Variants in PDE11A observed in about 807,000 individuals in gnomAD.
The protein encoded by PDE11A is phosphodiesterase 11A.
In PDE11A, 100 loss-of-function variants were observed where a neutral mutation model predicts 100.5. The observed-to-expected ratio is 1.00, with a 90% CI of 0.85 to 1.18. PDE11A has a LOEUF of 1.18. Among genes scored for constraint, PDE11A ranks in the 50% most tolerant of loss-of-function variants. The probability of loss-of-function intolerance (pLI) is 0.00; values close to 1 mark genes in which losing one functional copy is unlikely to be tolerated. For synonymous variants in PDE11A, 381 were observed against 420.8 expected (o/e 0.91, Z 1.16); for missense variants, 1,141 against 1,152.6 (o/e 0.99, Z 0.15).
At chr2:177,973,394 C>T (rs529052919) in intron 2 of PDE11A, among the ~76,000 whole-genome samples, 3 of 32,950 alleles carry the variant, frequency 9.1e-5, no homozygotes, top group South Asian at 8.7e-4. Flanking sequence ...TAAGAAACGG[C>T]GCACCACGAG....
At chr2:177,831,449 A>G (rs1012236664) in intron 6 of PDE11A, among the ~76,000 whole-genome samples, 7 of 152,226 alleles carry the variant, frequency 4.6e-5, no homozygotes, top group Non-Finnish European at 1.0e-4. Flanking sequence ...TTCCCTTCAT[A>G]CCTTAACTGT....
At chr2:177,979,375 AT>A (rs1296557908) in intron 2 of PDE11A, among the ~76,000 whole-genome samples, 1 of 150,590 alleles carries the variant, frequency 6.6e-6, no homozygotes, top group Admixed American at 6.6e-5. Flanking sequence ...ATGGTTGGTA[AT>A]TATTTTTATA....
chr2:177,924,609 C>A (rs2085100173), intron 2 of PDE11A, among the ~76,000 whole-genome samples: 1 of 152,128 alleles, frequency 6.6e-6, no homozygotes, highest in African/African-American at 2.4e-5. Context: ...AAACAGGGCA[C>A]AATCTCTGGT....
At chr2:178,031,078 T>A (rs1186799235) in intron 1 of PDE11A, among the ~76,000 whole-genome samples, 2 of 152,110 alleles carry the variant, frequency 1.3e-5, no homozygotes, top group Non-Finnish European at 1.5e-5. Context: ...GGTAAAAAAA[T>A]TCATATCTTT....
At chr2:177,994,087 C>G (rs918270518) in intron 2 of PDE11A, among the ~76,000 whole-genome samples, 13 of 151,958 alleles carry the variant, frequency 8.6e-5, no homozygotes, top group African/African-American at 3.1e-4. Context: ...CCCACCACCA[C>G]ATCTGACTAA....
At chr2:177,702,900 G>A (rs4541282) in intron 13 of PDE11A, among the ~76,000 whole-genome samples, 2,605 of 152,220 alleles carry the variant, frequency 0.017, 66 homozygotes, top group African/African-American at 0.059. Flanking sequence ...AATAAGTGAA[G>A]ATTTGCTAGG....
intron 10 of PDE11A, among the ~76,000 whole-genome samples, chr2:177,728,939 T>A (rs1177196893): frequency 1.3e-5 from 2 of 152,142 alleles, no homozygotes; most frequent in East Asian, 3.9e-4. Context: ...TTGGAAATCA[T>A]TTGTATGGTG....
intron 1 of PDE11A, among the ~76,000 whole-genome samples, chr2:178,068,252 G>C (rs569431007): frequency 6.6e-6 from 1 of 150,516 alleles, no homozygotes; most frequent in Non-Finnish European, 1.5e-5. Context: ...TTCCATTTAC[G>C]ATTTATTTTT....
At chr2:178,032,816 T>G (rs1460054378) in intron 1 of PDE11A, among the ~76,000 whole-genome samples, 2 of 152,100 alleles carry the variant, frequency 1.3e-5, no homozygotes, top group Non-Finnish European at 2.9e-5. Context: ...GACCTGATTG[T>G]TAGAAGAAAA....
At chr2:177,935,336 A>G (rs1449225401) in intron 2 of PDE11A, among the ~76,000 whole-genome samples, 2 of 152,112 alleles carry the variant, frequency 1.3e-5, no homozygotes, top group Non-Finnish European at 2.9e-5. Flanking sequence ...TGTGTTGGAA[A>G]TTGTTGGGCT....
intron 1 of PDE11A, among the ~76,000 whole-genome samples, chr2:178,064,516 G>C (rs2087017373): frequency 6.6e-6 from 1 of 152,172 alleles, no homozygotes; most frequent in African/African-American, 2.4e-5. Flanking sequence ...TGTGGTCATA[G>C]TTACCTCAGG....
At chr2:177,711,179 C>T (rs1044828155) in intron 13 of PDE11A, among the ~76,000 whole-genome samples, 2 of 152,228 alleles carry the variant, frequency 1.3e-5, no homozygotes, top group Non-Finnish European at 2.9e-5. Context: ...TCTATCTATA[C>T]ACATCATGTG....
chr2:178,083,577 G>A (rs1293214580), intron 2 of PDE11A, among the ~76,000 whole-genome samples: 5 of 152,180 alleles, frequency 3.3e-5, no homozygotes, highest in Admixed American at 2.0e-4. Flanking sequence ...CATGTCGAGG[G>A]CAGTCATATA....
intron 2 of PDE11A, among the ~76,000 whole-genome samples, chr2:177,953,669 A>G (rs1220983628): frequency 6.6e-6 from 1 of 152,066 alleles, no homozygotes; most frequent in Non-Finnish European, 1.5e-5. Context: ...CCTATTTCCC[A>G]TCTCCTAAAA....
intron 2 of PDE11A, among the ~76,000 whole-genome samples, chr2:177,956,620 T>C (rs1322572255): frequency 6.6e-6 from 1 of 152,212 alleles, no homozygotes; most frequent in Non-Finnish European, 1.5e-5. Context: ...CGTATGTTTA[T>C]TGCGGCACTA....
intron 4 of PDE11A, among the ~76,000 whole-genome samples, chr2:177,880,855 A>T (rs1334045933): frequency 6.6e-6 from 1 of 152,202 alleles, no homozygotes; most frequent in Admixed American, 6.5e-5. Context: ...TGGATAGCAC[A>T]GGGAGATACC....
chr2:178,067,536 G>A (rs1271501449), intron 1 of PDE11A, among the ~76,000 whole-genome samples: 1 of 152,036 alleles, frequency 6.6e-6, no homozygotes, highest in Non-Finnish European at 1.5e-5. Context: ...TGTTGGACTT[G>A]GAATCACTTC....
intron 19 of PDE11A, among the ~76,000 whole-genome samples, chr2:177,635,302 G>A (rs935897827): frequency 1.3e-5 from 2 of 152,140 alleles, no homozygotes; most frequent in Non-Finnish European, 2.9e-5. Context: ...GGTTAGAGTT[G>A]ATGCTGACCT....
chr2:178,046,818 T>C (rs1198358643), intron 1 of PDE11A, among the ~76,000 whole-genome samples: 1 of 152,220 alleles, frequency 6.6e-6, no homozygotes, highest in Non-Finnish European at 1.5e-5. Flanking sequence ...ACTAATTAAC[T>C]TGTTCACTGC....
Sources: allele counts gnomAD v4.1 joint callset (sites outside exome capture counted in the v4.1 genomes callset), GRCh38; gene constraint gnomAD v4.1.1; transcripts MANE v1.5; gene names NCBI Gene and HGNC (gene_info 2026-07-23, HGNC 2026-07-21).